NTRK2: variants seen among roughly 807,000 people sequenced by gnomAD.
NTRK2 encodes the protein BDNF/NT-3 growth factors receptor.
NTRK2 carries 13 observed loss-of-function variants against 94.5 expected under a neutral mutation model. The ratio of observed to expected loss-of-function variants is 0.14; its 90% CI spans 0.09 to 0.22. The LOEUF is 0.22. Ranked by LOEUF, NTRK2 falls within the 10% of genes least tolerant of loss-of-function variation. The pLI is 1.00. For synonymous variants in NTRK2, 372 were observed against 407.4 expected, an observed-to-expected ratio of 0.91 and a Z score of 1.05; for missense variants, 639 against 1,071.2, an observed-to-expected ratio of 0.60 and a Z score of 5.63.
intron 12 of NTRK2, among the ~76,000 whole-genome samples, chr9:84,857,833 T>G (rs1587703557): frequency 6.6e-6 from 1 of 152,184 alleles, no homozygotes; most frequent in South Asian, 2.1e-4. Context: ...CAGATTGATC[T>G]ATGGGCTCTA....
At position 84,942,405 on chromosome 9, in the gene NTRK2, A is replaced by T. The variant is rs115570459; in HGVS notation, c.1765-6057A>T. On this transcript the variant is annotated intron_variant, in intron 15 of 18. Coordinates refer to ENST00000277120, the MANE Select transcript of NTRK2 (RefSeq NM_006180.6). ...CAAGGCTTGTTCTAAATGCGTGGTT[A>T]ATCATTGCCTGTAACAAACTTATAA... Among the ~76,000 whole-genome samples the T allele has an allele frequency of 5.3e-5, 8 of 152,316 alleles. 1 individual carries two copies. The highest frequency in any genetic ancestry group is 1.9e-4 in the African/African-American group (8 of 41,578).
In NTRK2 at chr9:85,020,703, G is replaced by A. The variant is rs116949625; in HGVS notation, c.2331+339G>A. Reference sequence around the variant, plus strand: ...AGTTCTTTAGTATTGTTCCAATGAAGTTTCAAGATTCTTTCCTTTTTGAAT... The same window carrying A: ...AGTTCTTTAGTATTGTTCCAATGAAATTTCAAGATTCTTTCCTTTTTGAAT... On this transcript the variant is annotated intron_variant, in intron 18 of 18. Coordinates refer to ENST00000277120, the MANE Select transcript of NTRK2 (RefSeq NM_006180.6). Among the ~76,000 whole-genome samples, 281 of 152,266 alleles carry A rather than the reference G, an allele frequency of 1.8e-3. 5 individuals carry two copies. The East Asian group carries it at 0.04, about 21-fold the overall frequency.
At chr9:85,009,506 C>T (rs1313502316) in intron 17 of NTRK2, among the ~76,000 whole-genome samples, 2 of 152,162 alleles carry the variant, frequency 1.3e-5, no homozygotes, top group African/African-American at 4.8e-5. Context: ...CATCGCAAAG[C>T]AGCTGCTGCT....
At chr9:84,757,725 G>A (rs540480790) in intron 12 of NTRK2, among the ~76,000 whole-genome samples, 147 of 152,236 alleles carry the variant, frequency 9.7e-4, no homozygotes, top group African/African-American at 3.3e-3. Context: ...AATATGTAAT[G>A]TTGTTAATAT....
At chr9:84,831,474 G>A (rs1349796479) in intron 12 of NTRK2, among the ~76,000 whole-genome samples, 2 of 152,120 alleles carry the variant, frequency 1.3e-5, no homozygotes, top group African/African-American at 4.8e-5. Context: ...AGTTTTCTAT[G>A]CCCGTGGTAC....
chr9:84,722,318 T>G (rs867664675), intron 6 of NTRK2, among the ~76,000 whole-genome samples: 1 of 152,176 alleles, frequency 6.6e-6, no homozygotes. Flanking sequence ...GGGATAACCA[T>G]GAAATATAGA....
At chr9:84,923,236 C>A (rs111343185) in intron 14 of NTRK2, among the ~76,000 whole-genome samples, 1 of 152,156 alleles carries the variant, frequency 6.6e-6, no homozygotes, top group East Asian at 1.9e-4. Flanking sequence ...CTGTTCAGAG[C>A]GTTCCCCATT....
chr9:84,780,208 G>C (rs746116194), intron 12 of NTRK2, among the ~76,000 whole-genome samples: 1 of 152,080 alleles, frequency 6.6e-6, no homozygotes, highest in Non-Finnish European at 1.5e-5. Context: ...GGCTCAATCT[G>C]ACCAGTTGTT....
chr9:85,013,550 T>C (rs901661998), intron 17 of NTRK2, among the ~76,000 whole-genome samples: 2 of 152,170 alleles, frequency 1.3e-5, no homozygotes, highest in African/African-American at 4.8e-5. Flanking sequence ...CTGCCCACCC[T>C]GGCCTCCCAA....
chr9:85,017,130 A>G (rs1256133800), intron 17 of NTRK2, among the ~76,000 whole-genome samples: 3 of 152,190 alleles, frequency 2.0e-5, no homozygotes, highest in African/African-American at 2.4e-5. Flanking sequence ...TGAAGAGTTC[A>G]GGAGAGTGAC....
Position 84,872,676 on chromosome 9 carries a change from T to A in NTRK2, c.1633+5245T>A, listed in dbSNP as rs893711827. On this transcript the variant is annotated intron_variant, in intron 14 of 18. Coordinates refer to ENST00000277120, the MANE Select transcript of NTRK2 (RefSeq NM_006180.6). Reference sequence around the variant, plus strand: ...AAATTTTCTCCAGAGTGTGCCATACTTCTCCAGCTATTATAGTTAATGTGT... The same window carrying A: ...AAATTTTCTCCAGAGTGTGCCATACATCTCCAGCTATTATAGTTAATGTGT... 1.0e-5 allele frequency: 11 copies of A among 1,065,148 alleles called. No individual in the cohort carries two copies. In the East Asian group the frequency reaches 5.5e-4, roughly 53 times the overall value. The allele number at this position is 1,065,148 out of a possible 1,614,324, so 66.0% of individuals were successfully genotyped here.
At chr9:84,733,840 T>G (rs77795372) in intron 9 of NTRK2, among the ~76,000 whole-genome samples, 2,711 of 152,326 alleles carry the variant, frequency 0.018, 62 homozygotes, top group African/African-American at 0.048. Context: ...CAGAGACTAT[T>G]AAATGGAATA....
intron 14 of NTRK2, among the ~76,000 whole-genome samples, chr9:84,905,001 T>A (rs1419871969): frequency 6.6e-6 from 1 of 152,094 alleles, no homozygotes; most frequent in Non-Finnish European, 1.5e-5. Context: ...GAAAAATGAA[T>A]AGTGAAATGG....
chr9:84,751,406 C>T (rs1409832770), intron 11 of NTRK2, among the ~76,000 whole-genome samples: 1 of 152,056 alleles, frequency 6.6e-6, no homozygotes, highest in Non-Finnish European at 1.5e-5. Context: ...ATGGCAAAAC[C>T]CTGTCTCTGC....
chr9:84,812,276 C>A (rs200550811), intron 12 of NTRK2: 1 of 1,055,698 alleles, frequency 9.5e-7, no homozygotes, highest in African/African-American at 1.7e-5. Context: ...CCACTAAATA[C>A]GTTATTGCTT....
intron 14 of NTRK2, chr9:84,875,114 T>A (rs2076015230): frequency 9.4e-7 from 1 of 1,060,206 alleles, no homozygotes; most frequent in South Asian, 4.6e-5. Context: ...TTTCTAGTCT[T>A]GTGGATATCC....
At chr9:84,913,453 C>T (rs1333930824) in intron 14 of NTRK2, among the ~76,000 whole-genome samples, 1 of 152,076 alleles carries the variant, frequency 6.6e-6, no homozygotes, top group Non-Finnish European at 1.5e-5. Flanking sequence ...AACCATTGAG[C>T]ACAATGTAGA....
intron 10 of NTRK2, among the ~76,000 whole-genome samples, chr9:84,744,126 A>G (rs544567369): frequency 7.2e-5 from 11 of 152,304 alleles, no homozygotes; most frequent in African/African-American, 2.6e-4. Flanking sequence ...ATTGTTTGCA[A>G]TAAGTTTACC....
intron 12 of NTRK2, among the ~76,000 whole-genome samples, chr9:84,789,146 C>A (rs1400021523): frequency 1.3e-5 from 2 of 152,228 alleles, no homozygotes; most frequent in Admixed American, 1.3e-4. Flanking sequence ...GCTGAGGTAT[C>A]TGCCTCTCAT....
Sources: allele counts gnomAD v4.1 joint callset (sites outside exome capture counted in the v4.1 genomes callset), GRCh38; gene constraint gnomAD v4.1.1; transcripts MANE v1.5; gene names NCBI Gene and HGNC (gene_info 2026-07-23, HGNC 2026-07-21).